Variants in FGF14 observed in about 807,000 individuals in gnomAD.
FGF14 encodes the protein fibroblast growth factor homologous factor 4.
A neutral mutation model predicts 25.5 loss-of-function variants in FGF14; 5 were observed. The observed-to-expected ratio is 0.20, with a 90% CI of 0.10 to 0.41. FGF14 has a LOEUF of 0.41. Ranked by LOEUF, FGF14 falls within the 10% of genes least tolerant of loss-of-function variation. FGF14 has a pLI of 1.00. For missense variants in FGF14, 222 were observed against 320.1 expected (o/e 0.69, Z 2.34); for synonymous variants, 138 against 118.3 (o/e 1.17, Z -1.08).
intron 1 of FGF14, among the ~76,000 whole-genome samples, chr13:101,895,508 C>T (rs1185149590): frequency 6.6e-6 from 1 of 152,086 alleles, no homozygotes; most frequent in Non-Finnish European, 1.5e-5. Flanking sequence ...ATGAATGTAA[C>T]ATGTTGTCTC....
intron 1 of FGF14, among the ~76,000 whole-genome samples, chr13:102,332,957 C>T (rs935966500): frequency 1.3e-5 from 2 of 152,122 alleles, no homozygotes; most frequent in African/African-American, 4.8e-5. Context: ...TCCCATAATT[C>T]TTCTAGCTAA....
chr13:102,129,722 G>A (rs1042813021), intron 1 of FGF14, among the ~76,000 whole-genome samples: 1 of 151,972 alleles, frequency 6.6e-6, no homozygotes. Context: ...AGCATTAGGA[G>A]ATATACCTAA....
chr13:102,016,323 A>T (rs2040343285), intron 1 of FGF14, among the ~76,000 whole-genome samples: 1 of 152,156 alleles, frequency 6.6e-6, no homozygotes, highest in African/African-American at 2.4e-5. Flanking sequence ...GATAATTTGA[A>T]AAGATTTTTA....
intron 1 of FGF14, among the ~76,000 whole-genome samples, chr13:101,961,011 A>C (rs1340256790): frequency 6.6e-6 from 1 of 152,104 alleles, no homozygotes; most frequent in Non-Finnish European, 1.5e-5. Context: ...GTGTCTGTTC[A>C]TATCTTTTGC....
rs1035886916 is a variant in FGF14, at chr13:102,096,723, T to C, written c.209-221427A>G. Among the ~76,000 whole-genome samples the C allele has an allele frequency of 3.3e-5, 5 of 152,132 alleles. No individual in the cohort carries two copies. The East Asian group carries it at 9.7e-4, about 29-fold the overall frequency. On this transcript the variant is annotated intron_variant, in intron 1 of 4. Coordinates refer to the FGF14 transcript ENST00000376131. ...ACAGCTATCAGATTTCAAGCTGCCA[T>C]TAAACATGCCTGGGATATCCCTTCT...
intron 1 of FGF14, among the ~76,000 whole-genome samples, chr13:101,877,716 C>T (rs1461802285): frequency 6.6e-6 from 1 of 152,198 alleles, no homozygotes; most frequent in East Asian, 1.9e-4. Flanking sequence ...CTAGCCAGAG[C>T]TGAATTTGTG....
chr13:101,729,135 C>T (rs574772670), intron 3 of FGF14, among the ~76,000 whole-genome samples: 2 of 151,932 alleles, frequency 1.3e-5, no homozygotes, highest in Non-Finnish European at 2.9e-5. Flanking sequence ...GTGAGCTGTG[C>T]CCGTGACTTC....
At chr13:102,013,697 G>A (rs1398579411) in intron 1 of FGF14, among the ~76,000 whole-genome samples, 1 of 152,294 alleles carries the variant, frequency 6.6e-6, no homozygotes, top group African/African-American at 2.4e-5. Flanking sequence ...GCGTAAGGTT[G>A]CCTGGAAGTG....
chr13:102,133,918 C>T (rs918973808), intron 1 of FGF14, among the ~76,000 whole-genome samples: 12 of 152,260 alleles, frequency 7.9e-5, no homozygotes, highest in African/African-American at 2.4e-4. Flanking sequence ...AAAACTGACA[C>T]GCTTCACTTT....
At chr13:102,379,434 T>TTA (rs924912336) in intron 1 of FGF14, among the ~76,000 whole-genome samples, 1 of 150,682 alleles carries the variant, frequency 6.6e-6, no homozygotes, top group Non-Finnish European at 1.5e-5. Flanking sequence ...ACACACATAT[T>TTA]TATATATATG....
chr13:102,241,974 T>G (rs184010760), intron 1 of FGF14, among the ~76,000 whole-genome samples: 25 of 152,230 alleles, frequency 1.6e-4, no homozygotes, highest in African/African-American at 6.0e-4. Context: ...CTTTTGGCTT[T>G]AAGACCCCAA....
intron 1 of FGF14, among the ~76,000 whole-genome samples, chr13:102,391,870 A>G (rs1213918831): frequency 6.6e-6 from 1 of 152,232 alleles, no homozygotes; most frequent in African/African-American, 2.4e-5. Flanking sequence ...TAAAAGTTAC[A>G]ACACCTGGTA....
intron 1 of FGF14, among the ~76,000 whole-genome samples, chr13:102,007,719 CTGAT>C (rs1260852513): frequency 6.6e-6 from 1 of 152,170 alleles, no homozygotes; most frequent in Non-Finnish European, 1.5e-5. Flanking sequence ...GAAAATGCCT[CTGAT>C]TTTCATCAAA....
intron 2 of FGF14, among the ~76,000 whole-genome samples, chr13:101,870,975 A>AATACATACATAC (rs202103201): frequency 0.011 from 1,672 of 150,476 alleles, 17 homozygotes; most frequent in East Asian, 0.02. Flanking sequence ...TAAATAAATA[A>AATACATACATAC]ATACATACAT....
intron 3 of FGF14, among the ~76,000 whole-genome samples, chr13:101,788,554 G>A (rs1157973623): frequency 1.3e-5 from 2 of 152,052 alleles, no homozygotes; most frequent in Non-Finnish European, 2.9e-5. Context: ...TGTTGTAAGA[G>A]AGACAAATTC....
chr13:102,305,930 T>C (rs1472559124), intron 1 of FGF14, among the ~76,000 whole-genome samples: 1 of 152,172 alleles, frequency 6.6e-6, no homozygotes, highest in Non-Finnish European at 1.5e-5. Flanking sequence ...AATATTTGGC[T>C]TCTCTTTTGA....
chr13:101,916,494 A>C lies in FGF14; in HGVS notation c.152T>G (p.Val51Gly). ...GCGCTTCTTGAGGCCGAAGATGCGC[A>C]CTTTGGAGAAGATATCCACCAGGTT... ...NGNLVDIFSKVRIFGLKKRRL... is the reference protein window; with the variant it reads ...NGNLVDIFSKGRIFGLKKRRL... The change falls in exon 1 of 5, where the codon GTG becomes GGG. Residue 51 changes from valine (V) to glycine (G), a missense_variant. Physicochemically the swap from Val to Gly is moderately radical, Grantham distance 109. Coordinates refer to ENST00000376143, the MANE Select transcript of FGF14 (RefSeq NM_004115.4). The C allele has an allele frequency of 6.2e-7, 1 of 1,613,926 alleles. No homozygotes were observed. The highest frequency in any genetic ancestry group is 8.5e-7 in the Non-Finnish European group (1 of 1,179,924).
At chr13:102,211,345 C>T (rs1339323074) in intron 1 of FGF14, among the ~76,000 whole-genome samples, 7 of 152,084 alleles carry the variant, frequency 4.6e-5, no homozygotes, top group African/African-American at 1.7e-4. Context: ...TTTTAAAGAA[C>T]ATTTTAAACA....
chr13:101,831,240 C>CTATTTATT (rs71125026), intron 3 of FGF14, among the ~76,000 whole-genome samples: 97 of 147,464 alleles, frequency 6.6e-4, no homozygotes, highest in African/African-American at 1.5e-3. Flanking sequence ...ATGTTAGTTA[C>CTATTTATT]TATTTATTTA....
Sources: gnomAD v4.1 joint callset for allele counts (sites outside exome capture counted in the v4.1 genomes callset) on GRCh38, gnomAD v4.1.1 for gene constraint, MANE v1.5 for transcripts, NCBI Gene and HGNC (gene_info 2026-07-23, HGNC 2026-07-21) for gene names.